FGGY: variants seen among roughly 807,000 people sequenced by gnomAD.
The protein encoded by FGGY is FGGY carbohydrate kinase domain-containing protein.
In FGGY, 72 loss-of-function variants were observed where a neutral mutation model predicts 71.3. The observed-to-expected ratio is 1.01, with a 90% CI of 0.84 to 1.23. The LOEUF is 1.23. Ranked by LOEUF, FGGY falls within the 50% of genes most tolerant of loss-of-function variation. FGGY has a pLI of 0.00. For synonymous variants in FGGY, 251 were observed against 250.3 expected (o/e 1.00, Z -0.02); for missense variants, 668 against 682.3 (o/e 0.98, Z 0.23).
intron 14 of FGGY, among the ~76,000 whole-genome samples, chr1:59,703,769 T>C (rs1382355672): frequency 6.6e-6 from 1 of 152,182 alleles, no homozygotes; most frequent in Non-Finnish European, 1.5e-5. Flanking sequence ...AACTCTGTCA[T>C]GAGTCATTTG....
intron 14 of FGGY, among the ~76,000 whole-genome samples, chr1:59,687,738 G>A (rs990203047): frequency 1.3e-5 from 2 of 151,886 alleles, no homozygotes; most frequent in Admixed American, 1.3e-4. Context: ...AAAGTGCTGG[G>A]ATTACAGGCG....
At chr1:59,327,087 C>T (rs1236328095) in intron 2 of FGGY, among the ~76,000 whole-genome samples, 1 of 152,138 alleles carries the variant, frequency 6.6e-6, no homozygotes, top group East Asian at 1.9e-4. Context: ...GTGGTGGTTG[C>T]TGAAGGTTAG....
chr1:59,472,796 TC>T (rs2093032656), intron 6 of FGGY, among the ~76,000 whole-genome samples: 2 of 151,900 alleles, frequency 1.3e-5, no homozygotes, highest in South Asian at 4.2e-4. Context: ...TGTGTCTAGC[TC>T]AGGGATTGTA....
chr1:59,601,257 G>A (rs1649628078), intron 8 of FGGY, among the ~76,000 whole-genome samples: 1 of 152,216 alleles, frequency 6.6e-6, no homozygotes, highest in Non-Finnish European at 1.5e-5. Context: ...GCCTCGGAGT[G>A]ATGGCGTTGC....
intron 2 of FGGY, among the ~76,000 whole-genome samples, chr1:59,330,673 A>C (rs2048300927): frequency 6.6e-6 from 1 of 152,208 alleles, no homozygotes; most frequent in Non-Finnish European, 1.5e-5. Flanking sequence ...TTGAACTCTT[A>C]AGAGAAGACA....
In FGGY at chr1:59,734,342, G is replaced by A. The variant is rs374380843; in HGVS notation, c.1513-23589G>A. Among the ~76,000 whole-genome samples, 1,291 of 152,110 alleles carry A rather than the reference G, an allele frequency of 8.5e-3. 8 individuals are homozygous for A. Among genetic ancestry groups the A allele is most frequent in the Non-Finnish European group, 0.013 (854 of 67,994 alleles). ...TCTCACCTCCCAGGTAGCTGGGACC[G>A]CAGGCGTGCACCGCCACACCCAGCT... On this transcript the variant is annotated intron_variant, in intron 14 of 15. Coordinates refer to ENST00000303721, the MANE Select transcript of FGGY (RefSeq NM_018291.5).
chr1:59,506,442 C>T (rs1014846415), intron 6 of FGGY, among the ~76,000 whole-genome samples: 4 of 152,130 alleles, frequency 2.6e-5, no homozygotes, highest in African/African-American at 9.6e-5. Context: ...AATTCAAGTT[C>T]ATTCATTTTA....
At chr1:59,492,511 T>G (rs572978352) in intron 6 of FGGY, among the ~76,000 whole-genome samples, 1 of 152,280 alleles carries the variant, frequency 6.6e-6, no homozygotes, top group East Asian at 1.9e-4. Context: ...TCTTTCAATA[T>G]CTAATTGCAG....
intron 14 of FGGY, chr1:59,755,331 G>C (rs2098281003): frequency 6.6e-6 from 1 of 152,160 alleles, no homozygotes; most frequent in African/African-American, 2.4e-5. Context: ...CGATATGCCA[G>C]ATGCCGAGTT....
At chr1:59,552,523 G>A (rs1243540081) in intron 7 of FGGY, among the ~76,000 whole-genome samples, 3 of 152,198 alleles carry the variant, frequency 2.0e-5, no homozygotes, top group Non-Finnish European at 2.9e-5. Context: ...TAAGAGGCCT[G>A]TCTCTGGCCT....
At position 59,638,390 on chromosome 1, in the gene FGGY, G is replaced by T; in HGVS notation, c.1221+15G>T. On this transcript the variant is annotated intron_variant, in intron 11 of 15. Coordinates refer to ENST00000303721, the MANE Select transcript of FGGY (RefSeq NM_018291.5). ...TAAAGGGCATGGTAAGTAACAGCTA[G>T]TCCTTGCACATGGGTGAAGGCAGGC... 6.2e-7 allele frequency: 1 copy of T among 1,614,006 alleles called. No homozygotes were observed. The highest frequency in any genetic ancestry group is 8.5e-7 in the Non-Finnish European group (1 of 1,179,964).
At chr1:59,361,571 A>G (rs74615898) in intron 4 of FGGY, among the ~76,000 whole-genome samples, 3,730 of 152,242 alleles carry the variant, frequency 0.025, 177 homozygotes, top group African/African-American at 0.086. Flanking sequence ...AGCTCTGTGA[A>G]TCCGTCAAAA....
chr1:59,437,144 A>G (rs891883175), intron 5 of FGGY, among the ~76,000 whole-genome samples: 1 of 152,084 alleles, frequency 6.6e-6, no homozygotes, highest in Non-Finnish European at 1.5e-5. Context: ...GGTTATTGGG[A>G]GATAGAATGG....
chr1:59,604,600 G>C (rs968061356), intron 8 of FGGY, among the ~76,000 whole-genome samples: 1 of 152,192 alleles, frequency 6.6e-6, no homozygotes, highest in Non-Finnish European at 1.5e-5. Context: ...TGTGGGACAG[G>C]GGATGGGGAG....
intron 7 of FGGY, among the ~76,000 whole-genome samples, chr1:59,536,074 A>G (rs1292889826): frequency 6.6e-6 from 1 of 151,672 alleles, no homozygotes; most frequent in Non-Finnish European, 1.5e-5. Flanking sequence ...AACAAAATTG[A>G]TAGACCTCTA....
chr1:59,709,496 A>ACC (rs1288754950), intron 14 of FGGY, among the ~76,000 whole-genome samples: 1 of 151,866 alleles, frequency 6.6e-6, no homozygotes, highest in East Asian at 1.9e-4. Flanking sequence ...ACACACACAC[A>ACC]CACACTGGAA....
chr1:59,434,954 T>G (rs1041820675), intron 5 of FGGY, among the ~76,000 whole-genome samples: 1 of 152,284 alleles, frequency 6.6e-6, no homozygotes, highest in South Asian at 2.1e-4. Context: ...AATTTAAGTC[T>G]TCAGACAAAA....
intron 7 of FGGY, among the ~76,000 whole-genome samples, chr1:59,517,943 T>C (rs1292144133): frequency 6.6e-6 from 1 of 152,274 alleles, no homozygotes; most frequent in Non-Finnish European, 1.5e-5. Context: ...TGGGTTCTTC[T>C]AGATGTTTGG....
intron 9 of FGGY, among the ~76,000 whole-genome samples, chr1:59,618,768 A>T (rs866773640): frequency 3.2e-4 from 48 of 152,108 alleles, no homozygotes; most frequent in African/African-American, 1.1e-3. Flanking sequence ...AGAGAATATG[A>T]ATGAGAATAT....
Sources: gnomAD v4.1 joint callset for allele counts (sites outside exome capture counted in the v4.1 genomes callset) on GRCh38, gnomAD v4.1.1 for gene constraint, MANE v1.5 for transcripts, NCBI Gene and HGNC (gene_info 2026-07-23, HGNC 2026-07-21) for gene names.